Variants in ZNF382 observed in about 807,000 individuals in gnomAD.
ZNF382 encodes KRAB/zinc finger suppressor protein 1.
ZNF382 carries 20 observed loss-of-function variants against 38.8 expected under a neutral mutation model. The observed-to-expected ratio is 0.51, with a 90% CI of 0.36 to 0.75. ZNF382 has a LOEUF of 0.75. Ranked by LOEUF, ZNF382 falls within the 30% of genes least tolerant of loss-of-function variation. ZNF382 has a pLI of 0.00. For synonymous variants in ZNF382, 202 were observed against 223.1 expected (o/e 0.91, Z 0.84); for missense variants, 546 against 654.1 (o/e 0.83, Z 1.80).
rs1442893447 is a variant in ZNF382 at position 36,630,005 on chromosome 19, A to AT, written c.*2459dup. On this transcript the variant is annotated 3_prime_UTR_variant, in exon 5 of 5. Transcript: ENST00000292928. ...AAGGTATTGTTGTTACTAATAGGTGATTTTGGCATGAAGAAAAACTGGCCA... is the reference window on the plus strand; with the variant it reads ...AAGGTATTGTTGTTACTAATAGGTGATTTTTGGCATGAAGAAAAACTGGCCA... 1.3e-5 allele frequency: 2 copies of AT among 152,172 alleles called. No homozygotes were observed. Among genetic ancestry groups the AT allele is most frequent in the Admixed American group, 1.3e-4 (2 of 15,270 alleles). 9.4% of individuals were successfully genotyped at this position (152,172 alleles called of 1,614,324 possible).
intron 4 of ZNF382, among the ~76,000 whole-genome samples, chr19:36,623,392 C>T (rs1186108669): frequency 1.3e-5 from 2 of 152,044 alleles, no homozygotes; most frequent in Non-Finnish European, 2.9e-5. Context: ...ATAGAATGAT[C>T]GTGTTAAAAT....
At chr19:36,609,741 C>T (rs1312904480) in intron 2 of ZNF382, 161 bp from the exon 3 acceptor site, 2 of 660,602 alleles carry the variant, frequency 3.0e-6, no homozygotes, top group Non-Finnish European at 4.7e-6. Context: ...AGTGTGATCT[C>T]AGTATGTTTA....
chr19:36,623,496 A>G (rs953125158), intron 4 of ZNF382, among the ~76,000 whole-genome samples: 7 of 152,106 alleles, frequency 4.6e-5, no homozygotes, highest in Non-Finnish European at 4.4e-5. Context: ...TAGAAAAACT[A>G]TGTGAAAGCT....
In ZNF382 at chr19:36,631,893, G is replaced by A. The variant is rs2037256241; in HGVS notation, c.*4343G>A. 6.6e-6 allele frequency: 1 copy of A among 152,232 alleles called. No individual in the cohort carries two copies. Among genetic ancestry groups the A allele is most frequent in the African/African-American group, 2.4e-5 (1 of 41,544 alleles). The allele number at this position is 152,232 out of a possible 1,614,324, so 9.4% of individuals were successfully genotyped here. ...GAGTGATTTTACAAATTCATATTTT[G>A]TAGACCTAACTGCAAGGTCATAAGG... On this transcript the variant is annotated 3_prime_UTR_variant, in exon 5 of 5. Transcript: ENST00000292928.
chr19:36,609,908 C>G lies in ZNF382; in HGVS notation c.-7C>G. 1 of 1,606,676 alleles carries G rather than the reference C, an allele frequency of 6.2e-7. No homozygotes were observed. Reference sequence around the variant, plus strand: ...ACATTTCCGATCACTTCAGGATGAACTAGAGTATGCCCTTACAGGGATCAG... The same window carrying G: ...ACATTTCCGATCACTTCAGGATGAAGTAGAGTATGCCCTTACAGGGATCAG... On this transcript the variant is annotated 5_prime_UTR_variant, in exon 3 of 5. Transcript: ENST00000292928.
rs747266278 is a variant in ZNF382, at chr19:36,626,227, TA to T, written c.332del (p.Lys111ArgfsTer13). The T allele has an allele frequency of 6.2e-7, 1 of 1,606,698 alleles. No homozygotes were observed. Among genetic ancestry groups the T allele is most frequent in the South Asian group, 1.1e-5 (1 of 89,046 alleles). On this transcript the variant is annotated frameshift_variant, in exon 5 of 5. Coordinates refer to ENST00000292928, the MANE Select transcript of ZNF382 (RefSeq NM_032825.5). LOFTEE classifies it low-confidence loss of function (END_TRUNC). ...TATTCATCAACCACAAAAAACTAAT[TA>T]AGGAGAGAAGTAATATTTATGGTAA... ...LIFINHKKLI[K>X]ERSNIYGKTF...
intron 4 of ZNF382, among the ~76,000 whole-genome samples, chr19:36,613,422 C>CTTTT (rs11353427): frequency 8.2e-6 from 1 of 121,268 alleles, no homozygotes; most frequent in African/African-American, 3.0e-5. Context: ...GTATATTTTG[C>CTTTT]TTTTTTTTTT....
In ZNF382 at chr19:36,627,283, A is replaced by C; in HGVS notation, c.1386A>C (p.Lys462Asn). ...TLHQRIHTGE[K>N]PYICNECGKS... The stretch of plus-strand genomic sequence containing the variant: ...ACCAGAGAATTCACACGGGGGAAAA[A>C]CCCTATATTTGTAATGAATGTGGGA... Residue 462 changes from lysine to asparagine, a missense_variant, in exon 5 of 5, where the codon AAA (lysine) becomes AAC (asparagine). Transcript: ENST00000292928. 1 of 1,613,404 alleles carries C rather than the reference A, an allele frequency of 6.2e-7. No individual in the cohort carries two copies. The highest frequency in any genetic ancestry group is 1.1e-5 in the South Asian group (1 of 91,038).
intron 4 of ZNF382, among the ~76,000 whole-genome samples, chr19:36,617,197 C>T (rs1285198927): frequency 6.6e-6 from 1 of 152,060 alleles, no homozygotes; most frequent in African/African-American, 2.4e-5. Flanking sequence ...ATTTTCTAGC[C>T]CTGAGAGTCA....
intron 4 of ZNF382, among the ~76,000 whole-genome samples, chr19:36,620,293 T>G (rs968213527): frequency 1.3e-5 from 2 of 152,198 alleles, no homozygotes; most frequent in Non-Finnish European, 2.9e-5. Flanking sequence ...TGAGCATCAT[T>G]CTTGATATCT....
intron 4 of ZNF382, among the ~76,000 whole-genome samples, chr19:36,615,293 T>C (rs1215099153): frequency 6.6e-6 from 1 of 152,160 alleles, no homozygotes; most frequent in Non-Finnish European, 1.5e-5. Flanking sequence ...CTATTTTTAG[T>C]AGTTTTAATT....
At position 36,622,484 on chromosome 19, in the gene ZNF382, G is replaced by C. The variant is rs570097443; in HGVS notation, c.233-3646G>C. Among the ~76,000 whole-genome samples, 148 of 152,250 alleles carry C rather than the reference G, an allele frequency of 9.7e-4. 1 individual carries two copies. The highest frequency in any genetic ancestry group is 3.4e-3 in the African/African-American group (143 of 41,556). ...ACATGCAGCTTCTAGTCGCCCTATC[G>C]CCGTGGAGTCATGGATATCAATCCT... On this transcript the variant is annotated intron_variant, in intron 4 of 4. Transcript: ENST00000292928.
chr19:36,626,404 A>C lies in ZNF382; in HGVS notation c.507A>C (p.Lys169Asn). 1 of 1,599,362 alleles carries C rather than the reference A, an allele frequency of 6.3e-7. No homozygotes were observed. Among genetic ancestry groups the C allele is most frequent in the Non-Finnish European group, 8.5e-7 (1 of 1,175,502 alleles). The change falls in exon 5 of 5, where the codon AAA (lysine) becomes AAC (asparagine). Residue 169 changes from lysine (K) to asparagine (N), a missense_variant. Coordinates refer to ENST00000292928, the MANE Select transcript of ZNF382 (RefSeq NM_032825.5). The stretch of plus-strand genomic sequence containing the variant: ...TTGGTGACAGTACTGGATGGGAGAA[A>C]TCACTCCTCAATACCAAGCATGAGA... ...EKFGDSTGWE[K>N]SLLNTKHEKI...
intron 3 of ZNF382, among the ~76,000 whole-genome samples, chr19:36,610,276 T>A (rs2037066806): frequency 6.6e-6 from 1 of 151,916 alleles, no homozygotes; most frequent in African/African-American, 2.4e-5. Flanking sequence ...GCCAACATGG[T>A]GAAACCCAGT....
chr19:36,611,051 G>A (rs1033757563), intron 4 of ZNF382, among the ~76,000 whole-genome samples: 2 of 152,156 alleles, frequency 1.3e-5, no homozygotes, highest in African/African-American at 4.8e-5. Context: ...TTACAGCCAA[G>A]GCCAAGGTGG....
intron 4 of ZNF382, among the ~76,000 whole-genome samples, chr19:36,623,105 C>T (rs2037182338): frequency 6.6e-6 from 1 of 152,044 alleles, no homozygotes; most frequent in South Asian, 2.1e-4. Flanking sequence ...TTTGCCTTTC[C>T]TTACTGCAGC....
At chr19:36,610,453 C>CAA (rs549626213) in intron 3 of ZNF382, 197 bp from the exon 4 acceptor site, 553 of 304,600 alleles carry the variant, frequency 1.8e-3, no homozygotes, top group South Asian at 4.3e-3. Context: ...GAGACTGTCT[C>CAA]AAAAAAAAAA....
rs543360330 is a variant in ZNF382 at position 36,628,027 on chromosome 19, A to C, written c.*477A>C. The C allele has an allele frequency of 6.4e-6, 1 of 156,736 alleles. No individual in the cohort carries two copies. The highest frequency in any genetic ancestry group is 1.9e-4 in the South Asian group (1 of 5,340). 9.7% of individuals were successfully genotyped at this position (156,736 alleles called of 1,614,324 possible). On this transcript the variant is annotated 3_prime_UTR_variant, in exon 5 of 5. Transcript: ENST00000292928. ...ATGATTCTGACTTCTAACATTACAA[A>C]TTAGTTTTTACTATTATAAACCTTT...
intron 4 of ZNF382, among the ~76,000 whole-genome samples, chr19:36,622,757 C>T (rs1408898470): frequency 2.0e-5 from 3 of 152,108 alleles, no homozygotes; most frequent in African/African-American, 4.8e-5. Flanking sequence ...CTCCTATTAG[C>T]CATGACATTC....
Sources: allele counts gnomAD v4.1 joint callset (sites outside exome capture counted in the v4.1 genomes callset), GRCh38; gene constraint gnomAD v4.1.1; transcripts MANE v1.5; gene names NCBI Gene and HGNC (gene_info 2026-07-23, HGNC 2026-07-21).